CDH18: variants seen among roughly 807,000 people sequenced by gnomAD.
CDH18 encodes the protein cadherin 18.
In CDH18, 31 loss-of-function variants were observed where a neutral mutation model predicts 67.9. The ratio of observed to expected loss-of-function variants is 0.46; its 90% CI spans 0.34 to 0.62. CDH18 has a LOEUF of 0.62. CDH18 is among the 20% of genes least tolerant of loss of function. The pLI is 0.01. For synonymous variants in CDH18, 362 were observed against 347.2 expected, an observed-to-expected ratio of 1.04 and a Z score of -0.48; for missense variants, 890 against 975.5, an observed-to-expected ratio of 0.91 and a Z score of 1.17.
chr5:19,670,502 C>A (rs188327315), intron 5 of CDH18, among the ~76,000 whole-genome samples: 11 of 152,132 alleles, frequency 7.2e-5, no homozygotes, highest in Non-Finnish European at 1.3e-4. Context: ...ACAAATGTAA[C>A]GTTTATCTCT....
chr5:19,790,801 G>A (rs962926953), intron 3 of CDH18, among the ~76,000 whole-genome samples: 22 of 152,080 alleles, frequency 1.4e-4, no homozygotes, highest in Non-Finnish European at 2.4e-4. Context: ...CAGTGTTTCA[G>A]GTGAAAAATG....
chr5:20,030,308 A>T (rs1250527786), intron 2 of CDH18, among the ~76,000 whole-genome samples: 1 of 152,188 alleles, frequency 6.6e-6, no homozygotes, highest in Non-Finnish European at 1.5e-5. Context: ...TCAAATTGCC[A>T]TATATAGTGT....
intron 3 of CDH18, among the ~76,000 whole-genome samples, chr5:19,764,753 T>G (rs1772855799): frequency 6.6e-6 from 1 of 152,028 alleles, no homozygotes; most frequent in Non-Finnish European, 1.5e-5. Context: ...TTTGAGCCAG[T>G]TATGTGAAAA....
chr5:20,386,686 T>C (rs182257548), intron 1 of CDH18, among the ~76,000 whole-genome samples: 3 of 152,294 alleles, frequency 2.0e-5, no homozygotes, highest in Non-Finnish European at 4.4e-5. Context: ...ATATCTTATA[T>C]ATGATATTCA....
chr5:20,075,896 G>A (rs996982181), intron 2 of CDH18, among the ~76,000 whole-genome samples: 3 of 152,022 alleles, frequency 2.0e-5, no homozygotes, highest in Non-Finnish European at 4.4e-5. Context: ...AAAAAAATCT[G>A]AAACTTCTTT....
At chr5:19,613,795 T>G (rs1335289582) in intron 5 of CDH18, among the ~76,000 whole-genome samples, 2 of 152,122 alleles carry the variant, frequency 1.3e-5, no homozygotes, top group African/African-American at 2.4e-5. Context: ...CTCATGTCCA[T>G]GAGATAGATT....
chr5:20,069,131 T>C (rs1361941718), intron 2 of CDH18, among the ~76,000 whole-genome samples: 3 of 152,100 alleles, frequency 2.0e-5, no homozygotes, highest in Non-Finnish European at 4.4e-5. Context: ...TTCATTTTTA[T>C]GTTGGTTGTC....
intron 2 of CDH18, among the ~76,000 whole-genome samples, chr5:20,140,948 C>T (rs1053012904): frequency 1.3e-5 from 2 of 152,110 alleles, no homozygotes; most frequent in African/African-American, 4.8e-5. Flanking sequence ...CAACTACCTG[C>T]TGCTCACAAA....
chr5:19,735,901 C>T (rs1356162409), intron 4 of CDH18, among the ~76,000 whole-genome samples: 1 of 152,086 alleles, frequency 6.6e-6, no homozygotes, highest in Non-Finnish European at 1.5e-5. Context: ...ATTTTTACCC[C>T]ACCCAATAAT....
chr5:20,117,030 A>AGTGTGT (rs368558102), intron 2 of CDH18, among the ~76,000 whole-genome samples: 19 of 147,864 alleles, frequency 1.3e-4, no homozygotes, highest in African/African-American at 3.5e-4. Context: ...TGTGTGTGTG[A>AGTGTGT]GTGTGTGTGT....
intron 1 of CDH18, among the ~76,000 whole-genome samples, chr5:20,460,830 T>C (rs1239821157): frequency 6.6e-6 from 1 of 152,212 alleles, no homozygotes; most frequent in Non-Finnish European, 1.5e-5. Context: ...ACGATACAAA[T>C]GTCTGCTAAA....
At chr5:19,613,331 G>A (rs1749301097) in intron 5 of CDH18, among the ~76,000 whole-genome samples, 1 of 152,114 alleles carries the variant, frequency 6.6e-6, no homozygotes, top group Admixed American at 6.5e-5. Flanking sequence ...TCCTGGCAGA[G>A]TTATCAATGT....
intron 1 of CDH18, among the ~76,000 whole-genome samples, chr5:20,454,617 T>C (rs957763364): frequency 1.3e-5 from 2 of 152,086 alleles, no homozygotes; most frequent in Non-Finnish European, 2.9e-5. Flanking sequence ...TATCCTACTT[T>C]ATCTTATAAC....
intron 4 of CDH18, among the ~76,000 whole-genome samples, chr5:19,732,039 C>T (rs1767665674): frequency 6.6e-6 from 1 of 151,736 alleles, no homozygotes; most frequent in Non-Finnish European, 1.5e-5. Flanking sequence ...GCAGTGAGCC[C>T]TGATCGTGCC....
At chr5:19,548,780 C>T (rs1197757277) in intron 8 of CDH18, among the ~76,000 whole-genome samples, 4 of 140,840 alleles carry the variant, frequency 2.8e-5, no homozygotes, top group South Asian at 2.2e-4. Context: ...TATGAAGTGT[C>T]GCTCTTGTTG....
At chr5:20,431,241 A>C (rs747004023) in intron 1 of CDH18, among the ~76,000 whole-genome samples, 9 of 152,116 alleles carry the variant, frequency 5.9e-5, no homozygotes, top group Non-Finnish European at 1.2e-4. Flanking sequence ...CTGTAATCCC[A>C]GCACTTTGGG....
chr5:20,469,666 G>T (rs1224470672), intron 1 of CDH18, among the ~76,000 whole-genome samples: 1 of 152,094 alleles, frequency 6.6e-6, no homozygotes, highest in Non-Finnish European at 1.5e-5. Context: ...ACTAAGCCTG[G>T]AAGTAGGCTG....
intron 1 of CDH18, among the ~76,000 whole-genome samples, chr5:20,346,635 T>C (rs1007578122): frequency 6.6e-6 from 1 of 151,192 alleles, no homozygotes; most frequent in Non-Finnish European, 1.5e-5. Context: ...ATGTATTCCC[T>C]GCAATGGGTG....
intron 1 of CDH18, among the ~76,000 whole-genome samples, chr5:20,469,848 T>A (rs987030457): frequency 1.3e-5 from 2 of 152,118 alleles, no homozygotes; most frequent in African/African-American, 4.8e-5. Flanking sequence ...TGCCTCACTA[T>A]CCCTTTTGCT....
Sources: gnomAD v4.1 joint callset for allele counts (sites outside exome capture counted in the v4.1 genomes callset) on GRCh38, gnomAD v4.1.1 for gene constraint, MANE v1.5 for transcripts, NCBI Gene and HGNC (gene_info 2026-07-23, HGNC 2026-07-21) for gene names.